The following FBXW10B variants were observed in gnomAD, a reference collection of about 807,000 sequenced individuals.
FBXW10B encodes F-box and WD repeat domain containing 10B, also known as F-box and WD repeat domain containing protein 10B.
chr17:15,566,181 G>T, the FBXW10B span: 1 of 1,611,730 alleles, frequency 6.2e-7, no homozygotes, highest in Non-Finnish European at 8.5e-7. Context: ...TTTCTGTTTG[G>T]GGCCTACAGG....
the FBXW10B span, chr17:15,594,963 G>T: frequency 6.3e-7 from 1 of 1,590,888 alleles, no homozygotes; most frequent in Non-Finnish European, 8.6e-7. Context: ...GCCTTCTTCA[G>T]ATGAATCCCA....
At chr17:15,599,070 G>A in the FBXW10B span, among the ~76,000 whole-genome samples, 1 of 151,530 alleles carries the variant, frequency 6.6e-6, no homozygotes, top group Non-Finnish European at 1.5e-5. Flanking sequence ...AGCTACTCAG[G>A]AGGCTGAGGC....
chr17:15,615,672 G>A, the FBXW10B span: 5 of 1,613,880 alleles, frequency 3.1e-6, no homozygotes, highest in Non-Finnish European at 2.5e-6. Flanking sequence ...CCAAGGAAGT[G>A]TTCATTTTCT....
At chr17:15,596,702 A>T in the FBXW10B span, 10 of 1,584,116 alleles carry the variant, frequency 6.3e-6, no homozygotes, top group African/African-American at 1.4e-5. Context: ...GGGAGTGGGG[A>T]AAAAGGGGGA....
At chr17:15,612,726 T>G in the FBXW10B span, 2 of 1,614,112 alleles carry the variant, frequency 1.2e-6, no homozygotes, top group Non-Finnish European at 1.7e-6. Flanking sequence ...CCACTTCGGA[T>G]GTTTCACACG....
chr17:15,613,792 G>C, the FBXW10B span: 3 of 1,611,266 alleles, frequency 1.9e-6, no homozygotes, highest in Non-Finnish European at 1.7e-6. Flanking sequence ...TGGGCCAAGA[G>C]GGGAGGTGTC....
At chr17:15,606,631 ATATG>A in the FBXW10B span, among the ~76,000 whole-genome samples, 1 of 145,930 alleles carries the variant, frequency 6.9e-6, no homozygotes, top group African/African-American at 2.7e-5. Flanking sequence ...ACATGTACAT[ATATG>A]TATATGTGTA....
chr17:15,569,094 A>T, the FBXW10B span: 2 of 618,524 alleles, frequency 3.2e-6, no homozygotes, highest in Admixed American at 8.7e-5. Flanking sequence ...GTACTATAAT[A>T]AACATGAGTA....
At chr17:15,589,167 G>A in the FBXW10B span, 18 of 1,613,014 alleles carry the variant, frequency 1.1e-5, no homozygotes, top group East Asian at 6.7e-5. Context: ...CACTTGGTTC[G>A]ATTCCATTCC....
chr17:15,611,379 A>G, the FBXW10B span, among the ~76,000 whole-genome samples: 3 of 152,208 alleles, frequency 2.0e-5, no homozygotes, highest in Admixed American at 2.0e-4. Context: ...AATGGTTGCC[A>G]GCATTTAATA....
chr17:15,590,269 G>T, the FBXW10B span, among the ~76,000 whole-genome samples: 1 of 151,674 alleles, frequency 6.6e-6, no homozygotes, highest in African/African-American at 2.4e-5. Context: ...CTCAATTTGG[G>T]ATCTGTATGC....
chr17:15,615,565 G>A, the FBXW10B span: 39 of 1,580,120 alleles, frequency 2.5e-5, no homozygotes, highest in African/African-American at 4.1e-5. Context: ...TGCTTGCCTC[G>A]GCCTCCCAAA....
the FBXW10B span, among the ~76,000 whole-genome samples, chr17:15,612,344 A>G: frequency 2.2e-5 from 3 of 135,692 alleles, no homozygotes; most frequent in Middle Eastern, 4.0e-3. Context: ...CGCCTCTACT[A>G]AAAAAAAAAA....
the FBXW10B span, among the ~76,000 whole-genome samples, chr17:15,595,394 A>G: frequency 3.9e-5 from 6 of 152,132 alleles, no homozygotes; most frequent in Non-Finnish European, 8.8e-5. Context: ...AAGAAGGCCA[A>G]TGGAGTCCAT....
At chr17:15,596,872 A>G in the FBXW10B span, among the ~76,000 whole-genome samples, 2 of 152,124 alleles carry the variant, frequency 1.3e-5, no homozygotes, top group Non-Finnish European at 2.9e-5. Flanking sequence ...CCCTGAATAC[A>G]GGTGGTTGAG....
At chr17:15,605,947 C>T in the FBXW10B span, among the ~76,000 whole-genome samples, 3 of 145,560 alleles carry the variant, frequency 2.1e-5, no homozygotes, top group Non-Finnish European at 3.0e-5. Context: ...TCCCATAAAA[C>T]TAGGTGAGTT....
At chr17:15,616,683 C>T in the FBXW10B span, among the ~76,000 whole-genome samples, 13 of 151,724 alleles carry the variant, frequency 8.6e-5, no homozygotes, top group Admixed American at 8.5e-4. Flanking sequence ...GTGGCAGGCA[C>T]CTGTAGTCCC....
At chr17:15,599,205 T>C in the FBXW10B span, among the ~76,000 whole-genome samples, 3 of 142,226 alleles carry the variant, frequency 2.1e-5, no homozygotes, top group Non-Finnish European at 4.5e-5. Flanking sequence ...ATTTACATCA[T>C]AGGGTTTTTG....
At chr17:15,617,858 T>G in the FBXW10B span, among the ~76,000 whole-genome samples, 1 of 152,228 alleles carries the variant, frequency 6.6e-6, no homozygotes, top group Non-Finnish European at 1.5e-5. Flanking sequence ...TATAAATTAC[T>G]TAGCCTCAGG....
Sources: gnomAD v4.1 joint callset for allele counts (sites outside exome capture counted in the v4.1 genomes callset) on GRCh38, gnomAD v4.1.1 for gene constraint, MANE v1.5 for transcripts, NCBI Gene and HGNC (gene_info 2026-07-23, HGNC 2026-07-21) for gene names.